Variants in CACNA1C observed in about 807,000 individuals in gnomAD.
CACNA1C encodes the protein calcium voltage-gated channel subunit alpha1 C.
In CACNA1C, 30 loss-of-function variants were observed where a neutral mutation model predicts 229.0. That is an observed-to-expected ratio of 0.13 (90% CI 0.10 to 0.18). CACNA1C has a LOEUF of 0.18. Among genes scored for constraint, CACNA1C ranks in the 10% least tolerant of loss-of-function variants. The probability of loss-of-function intolerance (pLI) is 1.00; values close to 1 mark genes in which losing one functional copy is unlikely to be tolerated. For missense variants in CACNA1C, 1,658 were observed against 2,845.0 expected, an observed-to-expected ratio of 0.58 and a Z score of 9.49; for synonymous variants, 1,114 against 1,132.5, an observed-to-expected ratio of 0.98 and a Z score of 0.33.
At chr12:2,225,270 C>T (rs1011013958) in intron 3 of CACNA1C, among the ~76,000 whole-genome samples, 36 of 152,204 alleles carry the variant, frequency 2.4e-4, no homozygotes, top group African/African-American at 6.3e-4. Flanking sequence ...GACTAGATCC[C>T]TGCCTTGTCT....
intron 3 of CACNA1C, among the ~76,000 whole-genome samples, chr12:2,247,039 A>C (rs986090635): frequency 6.6e-6 from 1 of 152,210 alleles, no homozygotes; most frequent in Admixed American, 6.5e-5. Flanking sequence ...TAAGACTATA[A>C]AGTAAGAAAG....
intron 3 of CACNA1C, among the ~76,000 whole-genome samples, chr12:2,270,189 G>A (rs2084250951): frequency 6.6e-6 from 1 of 152,208 alleles, no homozygotes. Flanking sequence ...AACTCTAGAA[G>A]GCTCGTCCTG....
intron 3 of CACNA1C, among the ~76,000 whole-genome samples, chr12:2,268,428 T>C (rs1344728607): frequency 1.3e-5 from 2 of 152,210 alleles, no homozygotes; most frequent in Non-Finnish European, 2.9e-5. Context: ...GAAGATTTCA[T>C]GGATTAACTC....
chr12:2,378,420 C>T (rs974746875), intron 3 of CACNA1C, among the ~76,000 whole-genome samples: 5 of 152,178 alleles, frequency 3.3e-5, no homozygotes, highest in Admixed American at 6.5e-5. Context: ...CAGGGTTGGA[C>T]TGTGCCGCCA....
In CACNA1C at chr12:1,971,113, C is replaced by A; in HGVS notation, c.51C>A (p.Pro17=). The A allele has an allele frequency of 7.8e-7, 1 of 1,289,516 alleles. No individual in the cohort carries two copies. Among genetic ancestry groups the A allele is most frequent in the Non-Finnish European group, 1.0e-6 (1 of 988,588 alleles). 79.9% of individuals were successfully genotyped at this position (1,289,516 alleles called of 1,614,324 possible). ...GTACGCCTGCATACCAGCCGCTTCC[C>A]AGCCACCTGTCTGCCAACACGGAGG... is the stretch of plus-strand genomic sequence containing the variant. The change falls in exon 1 of 47, where the codon CCC becomes CCA. Residue 17 remains proline, a synonymous_variant. Transcript: ENST00000682462. The surrounding 1 kb of genome is among the most constrained non-coding windows in gnomAD (Gnocchi z 4.2).
At chr12:1,972,018 A>C (rs1182163052) in intron 1 of CACNA1C, among the ~76,000 whole-genome samples, 1 of 152,262 alleles carries the variant, frequency 6.6e-6, no homozygotes, top group Non-Finnish European at 1.5e-5. Context: ...TTAAATAGGC[A>C]GGACATCTGA....
At chr12:2,100,587 A>G (rs1403792657) in intron 1 of CACNA1C, among the ~76,000 whole-genome samples, 31 of 147,034 alleles carry the variant, frequency 2.1e-4, no homozygotes, top group African/African-American at 7.2e-4. Flanking sequence ...TCTACCAAAA[A>G]AAAAAAAAAA....
chr12:2,688,697 G>A lies in CACNA1C; in HGVS notation c.6035G>A (p.Arg2012Gln), dbSNP rs772606843. 3.7e-6 allele frequency: 6 copies of A among 1,611,830 alleles called. No homozygotes were observed. Among genetic ancestry groups the A allele is most frequent in the South Asian group, 1.1e-5 (1 of 90,924 alleles). Residue 2012 changes from arginine (R) to glutamine (Q), a missense_variant, in exon 46 of 47, where the codon CGG becomes CAG. Around this residue, in one of 20 missense-constraint regions of CACNA1C, gnomAD observed 590 missense variants for 700.8 expected, o/e 0.84. Coordinates refer to ENST00000399655, the MANE Select transcript of CACNA1C (RefSeq NM_000719.7). The stretch of plus-strand genomic sequence containing the variant: ...GGCAGCAGCGCCGCCCGGAGAGTCC[G>A]GCCCGTCTCCCTCATGGTGCCCAGC... ...GGGSSAARRV[R>Q]PVSLMVPSQA...
intron 3 of CACNA1C, among the ~76,000 whole-genome samples, chr12:2,325,091 C>T (rs2096230443): frequency 6.6e-6 from 1 of 152,142 alleles, no homozygotes; most frequent in South Asian, 2.1e-4. Context: ...AAGGTCTGTG[C>T]CAGCCGAGAG....
At chr12:2,128,804 A>G (rs942484154) in intron 3 of CACNA1C, among the ~76,000 whole-genome samples, 4 of 152,222 alleles carry the variant, frequency 2.6e-5, no homozygotes, top group East Asian at 3.9e-4. Context: ...ATGCTGTCCT[A>G]AGTGCCTTGC....
chr12:2,685,471 T>G (rs1208036039), intron 43 of CACNA1C, among the ~76,000 whole-genome samples: 1 of 151,356 alleles, frequency 6.6e-6, no homozygotes, highest in East Asian at 1.9e-4. Context: ...GACCCCAGAG[T>G]GCCTTCACTG....
intron 3 of CACNA1C, among the ~76,000 whole-genome samples, chr12:2,338,499 T>G (rs1490457429): frequency 2.6e-5 from 2 of 77,578 alleles, no homozygotes; most frequent in Non-Finnish European, 4.8e-5. Context: ...CCCACCCCCA[T>G]GAAGCTGATA....
At position 2,410,540 on chromosome 12, in the gene CACNA1C, T is replaced by C. The variant is rs2098794957; in HGVS notation, c.478-38436T>C. ...AAAGTAAATGAGGAAAAAATATGCT[T>C]GGAGTAAAAAGCATCTGGACCCTGT... On this transcript the variant is annotated intron_variant, in intron 3 of 46. Transcript: ENST00000399655. The surrounding 1 kb of genome is among the most constrained non-coding windows in gnomAD (Gnocchi z 5.3). Among the ~76,000 whole-genome samples the C allele has an allele frequency of 6.6e-6, 1 of 152,224 alleles. No homozygotes were observed. Among genetic ancestry groups the C allele is most frequent in the South Asian group, 2.1e-4 (1 of 4,834 alleles).
chr12:2,679,743 C>G lies in CACNA1C; in HGVS notation c.5391C>G (p.Pro1797=), dbSNP rs376124689. 8.9e-5 allele frequency: 143 copies of G among 1,600,474 alleles called. No individual in the cohort carries two copies. In the African/African-American group the frequency reaches 1.7e-3, roughly 19 times the overall value. ...GCACTGTGGAGGGCCACGGGCCCCC[C>G]TTGTCCCCTGCCATCCGGGTGCAGG... is the stretch of plus-strand genomic sequence containing the variant. ...TVSTVEGHGP[P]LSPAIRVQEV... Residue 1797 remains proline (P), a synonymous_variant, in exon 42 of 47, where the codon CCC becomes CCG. Coordinates refer to ENST00000399655, the MANE Select transcript of CACNA1C (RefSeq NM_000719.7). The surrounding 1 kb of genome is among the most constrained non-coding windows in gnomAD (Gnocchi z 5.5).
At position 2,199,630 on chromosome 12, in the gene CACNA1C, G is replaced by A. The variant is rs529977253; in HGVS notation, c.477+79200G>A. ...ACCTTGGATTTTCAACTGTAAGGGA[G>A]TCAGCGCCCCCAGTCCCCACATTGT... is the stretch of plus-strand genomic sequence containing the variant. On this transcript the variant is annotated intron_variant, in intron 3 of 46. Transcript: ENST00000399655. 7.4e-4 allele frequency among the ~76,000 whole-genome samples: 113 copies of A among 152,236 alleles called. 3 individuals are homozygous for A. The highest frequency in any genetic ancestry group is 7.4e-3 in the Admixed American group (113 of 15,290).
chr12:2,208,649 C>T (rs16927941), intron 3 of CACNA1C, among the ~76,000 whole-genome samples: 376 of 152,268 alleles, frequency 2.5e-3, no homozygotes, highest in African/African-American at 8.3e-3. Context: ...CCAACCCATA[C>T]AGTGTTTTAC....
intron 3 of CACNA1C, among the ~76,000 whole-genome samples, chr12:2,200,483 A>G (rs1357821017): frequency 2.6e-5 from 4 of 152,180 alleles, no homozygotes; most frequent in African/African-American, 4.8e-5. Context: ...CCTGCCATGC[A>G]CAGGACAGCC....
chr12:2,411,722 T>C (rs947602099), intron 3 of CACNA1C, among the ~76,000 whole-genome samples: 1 of 152,196 alleles, frequency 6.6e-6, no homozygotes, highest in African/African-American at 2.4e-5. Context: ...TTTCAGATCC[T>C]CAGGTGTGTG....
chr12:2,211,716 T>C (rs1475917941), intron 3 of CACNA1C, among the ~76,000 whole-genome samples: 1 of 105,208 alleles, frequency 9.5e-6, no homozygotes, highest in Admixed American at 9.5e-5. Flanking sequence ...TTCTGCTGCT[T>C]TTTTTTTTTT....
Sources: gnomAD v4.1 joint callset for allele counts (sites outside exome capture counted in the v4.1 genomes callset) on GRCh38, gnomAD v4.1.1 for gene constraint, gnomAD v4.1.1 regional missense constraint, Gnocchi (gnomAD v3.1) non-coding constraint, MANE v1.5 for transcripts, NCBI Gene and HGNC (gene_info 2026-07-23, HGNC 2026-07-21) for gene names.